The following CTNNA2 variants were observed in gnomAD, a reference collection of about 807,000 sequenced individuals.
CTNNA2 encodes the protein catenin alpha-2.
CTNNA2 carries 42 observed loss-of-function variants against 101.0 expected under a neutral mutation model. That is an observed-to-expected ratio of 0.42 (90% CI 0.32 to 0.54). The LOEUF is 0.54. CTNNA2 is among the 20% of genes least tolerant of loss of function. The probability of loss-of-function intolerance (pLI) is 0.14; values close to 1 mark genes in which losing one functional copy is unlikely to be tolerated. For missense variants in CTNNA2, 871 were observed against 1,223.1 expected (o/e 0.71, Z 4.29); for synonymous variants, 450 against 456.4 (o/e 0.99, Z 0.18).
intron 2 of CTNNA2, among the ~76,000 whole-genome samples, chr2:79,680,309 T>A (rs995536006): frequency 2.0e-5 from 3 of 152,120 alleles, no homozygotes; most frequent in Non-Finnish European, 2.9e-5. Context: ...ACTTGAATGT[T>A]ATTTTTAGTT....
intron 3 of CTNNA2, among the ~76,000 whole-genome samples, chr2:79,776,765 T>A (rs1052301498): frequency 2.9e-4 from 44 of 152,192 alleles, no homozygotes; most frequent in African/African-American, 1.1e-3. Flanking sequence ...ATTTCCTAAT[T>A]ATGGAGCCTA....
At chr2:80,093,068 A>C (rs1239221952) in intron 7 of CTNNA2, among the ~76,000 whole-genome samples, 1 of 152,164 alleles carries the variant, frequency 6.6e-6, no homozygotes, top group Middle Eastern at 3.4e-3. Flanking sequence ...GGTTTGTTAC[A>C]TATGAATACA....
chr2:79,415,322 G>T (rs2104496333), intron 4 of CTNNA2, among the ~76,000 whole-genome samples: 1 of 152,260 alleles, frequency 6.6e-6, no homozygotes, highest in South Asian at 2.1e-4. Context: ...TAAGATTCCT[G>T]AGACCCATAC....
intron 4 of CTNNA2, among the ~76,000 whole-genome samples, chr2:79,444,122 C>A (rs1182170264): frequency 1.3e-5 from 2 of 151,968 alleles, no homozygotes; most frequent in Non-Finnish European, 2.9e-5. Flanking sequence ...GACGATAACC[C>A]TAGCCAAAAT....
intron 4 of CTNNA2, among the ~76,000 whole-genome samples, chr2:79,383,877 C>T (rs1678068337): frequency 6.6e-6 from 1 of 152,104 alleles, no homozygotes; most frequent in South Asian, 2.1e-4. Context: ...GAAACCCTGT[C>T]TTATGTTTGC....
chr2:79,591,161 A>G (rs1390078524), intron 1 of CTNNA2, among the ~76,000 whole-genome samples: 1 of 152,232 alleles, frequency 6.6e-6, no homozygotes, highest in Admixed American at 6.5e-5. Context: ...AATCTCTACT[A>G]TCAATAAATG....
chr2:79,633,247 A>G (rs1196203673), intron 1 of CTNNA2, among the ~76,000 whole-genome samples: 2 of 152,116 alleles, frequency 1.3e-5, no homozygotes, highest in African/African-American at 4.8e-5. Flanking sequence ...TGTTATTCTC[A>G]GTTGTTATTA....
intron 7 of CTNNA2, among the ~76,000 whole-genome samples, chr2:80,139,300 G>T (rs1426705220): frequency 6.6e-6 from 1 of 152,112 alleles, no homozygotes; most frequent in Non-Finnish European, 1.5e-5. Context: ...GCCGTCAAAA[G>T]CCACCTGATG....
At chr2:79,811,248 T>G (rs1423884620) in intron 3 of CTNNA2, among the ~76,000 whole-genome samples, 1 of 152,164 alleles carries the variant, frequency 6.6e-6, no homozygotes, top group Non-Finnish European at 1.5e-5. Flanking sequence ...TATCTCATTG[T>G]GGTTTTGATT....
chr2:79,837,730 TTAGAAAG>T (rs1438249877), intron 3 of CTNNA2, among the ~76,000 whole-genome samples: 1 of 152,096 alleles, frequency 6.6e-6, no homozygotes, highest in African/African-American at 2.4e-5. Context: ...TAATTTATTG[TTAGAAAG>T]TAGAAAGTGT....
At chr2:79,420,034 T>C (rs17017060) in intron 4 of CTNNA2, among the ~76,000 whole-genome samples, 45,467 of 151,904 alleles carry the variant, frequency 0.3, 6,969 homozygotes, top group South Asian at 0.46. Context: ...AGTTATGAAA[T>C]GGCCCTCACT....
chr2:79,186,917 C>A (rs1673785018), intron 1 of CTNNA2, among the ~76,000 whole-genome samples: 1 of 152,172 alleles, frequency 6.6e-6, no homozygotes, highest in Non-Finnish European at 1.5e-5. Flanking sequence ...AAGTTCTAGG[C>A]TGAAAATTCA....
At chr2:80,220,289 A>G (rs1291547238) in intron 7 of CTNNA2, among the ~76,000 whole-genome samples, 1 of 152,254 alleles carries the variant, frequency 6.6e-6, no homozygotes, top group Non-Finnish European at 1.5e-5. Context: ...TCAACACTGA[A>G]TATTTTTGAC....
intron 3 of CTNNA2, among the ~76,000 whole-genome samples, chr2:79,838,576 G>T (rs762659357): frequency 1.3e-5 from 2 of 152,012 alleles, no homozygotes; most frequent in Admixed American, 6.6e-5. Flanking sequence ...ATTATTATAG[G>T]TATTGATTCT....
At chr2:79,195,066 C>T (rs981320714) in intron 1 of CTNNA2, among the ~76,000 whole-genome samples, 4 of 152,108 alleles carry the variant, frequency 2.6e-5, no homozygotes, top group Non-Finnish European at 5.9e-5. Flanking sequence ...TATTCAGGTG[C>T]TTTCTTTGAA....
chr2:79,516,575 A>G (rs1671818964), intron 1 of CTNNA2, among the ~76,000 whole-genome samples: 1 of 152,198 alleles, frequency 6.6e-6, no homozygotes, highest in Non-Finnish European at 1.5e-5. Context: ...ACATACAGTC[A>G]GAGTAATTAT....
At chr2:79,236,766 C>T (rs1461984836) in intron 2 of CTNNA2, among the ~76,000 whole-genome samples, 1 of 152,156 alleles carries the variant, frequency 6.6e-6, no homozygotes, top group African/African-American at 2.4e-5. Context: ...ACTTTCTTTG[C>T]TTATCCATAA....
At chr2:80,104,747 C>A (rs1014845110) in intron 7 of CTNNA2, among the ~76,000 whole-genome samples, 12 of 152,178 alleles carry the variant, frequency 7.9e-5, no homozygotes, top group Non-Finnish European at 1.6e-4. Flanking sequence ...AGAAGTAATG[C>A]AACTTATTTG....
At position 79,487,342 on chromosome 2, in the gene CTNNA2, A is replaced by G. The variant is rs1404592373; in HGVS notation, c.-134-17712A>G. The stretch of plus-strand genomic sequence containing the variant: ...ATTCCGCCAATTTGTTTCTTTTCAT[A>G]TAAACATGCTGCTTCTCATATAAAA... On this transcript the variant is annotated intron_variant, in intron 4 of 21. Coordinates refer to the CTNNA2 transcript ENST00000466387. Among the ~76,000 whole-genome samples the G allele has an allele frequency of 2.6e-5, 4 of 152,224 alleles. No individual in the cohort carries two copies. The East Asian group carries it at 5.8e-4, about 22-fold the overall frequency.
Sources: gnomAD v4.1 joint callset for allele counts (sites outside exome capture counted in the v4.1 genomes callset) on GRCh38, gnomAD v4.1.1 for gene constraint, MANE v1.5 for transcripts, NCBI Gene and HGNC (gene_info 2026-07-23, HGNC 2026-07-21) for gene names.